The following MAP3K7 variants were observed in gnomAD, a reference collection of about 807,000 sequenced individuals.
MAP3K7 encodes mitogen-activated protein kinase kinase kinase 7.
A neutral mutation model predicts 84.8 loss-of-function variants in MAP3K7; 21 were observed. That is an observed-to-expected ratio of 0.25 (90% CI 0.18 to 0.36). The LOEUF (loss-of-function observed/expected upper bound fraction) is 0.36. MAP3K7 is among the 10% of genes least tolerant of loss of function. The pLI, the probability that MAP3K7 is intolerant of heterozygous loss-of-function variation, is 1.00. For synonymous variants in MAP3K7, 241 were observed against 247.7 expected (o/e 0.97, Z 0.25); for missense variants, 503 against 747.7 (o/e 0.67, Z 3.82).
At chr6:90,565,757 C>G (rs1290318613) in intron 3 of MAP3K7, among the ~76,000 whole-genome samples, 2 of 151,930 alleles carry the variant, frequency 1.3e-5, no homozygotes, top group African/African-American at 4.8e-5. Flanking sequence ...ATAAAAACAA[C>G]AAAAAAAGAG....
chr6:90,561,345 T>C (rs1306827807), intron 4 of MAP3K7, among the ~76,000 whole-genome samples: 1 of 152,184 alleles, frequency 6.6e-6, no homozygotes, highest in African/African-American at 2.4e-5. Context: ...AATCTGAAGA[T>C]ATTTTAAAAT....
At chr6:90,516,789 T>C (rs941694313) in intron 16 of MAP3K7, 108 bp from the exon 17 acceptor site, 1 of 874,714 alleles carries the variant, frequency 1.1e-6, no homozygotes, top group African/African-American at 1.7e-5. Flanking sequence ...TTTATCATTT[T>C]GCATCTTAGG....
At chr6:90,533,558 G>A (rs1311615883) in intron 13 of MAP3K7, among the ~76,000 whole-genome samples, 2 of 152,170 alleles carry the variant, frequency 1.3e-5, no homozygotes, top group Non-Finnish European at 2.9e-5. Flanking sequence ...GCTGTAATTG[G>A]TAAAGAAGCA....
intron 1 of MAP3K7, among the ~76,000 whole-genome samples, chr6:90,576,074 A>G (rs1777065537): frequency 6.6e-6 from 1 of 152,162 alleles, no homozygotes; most frequent in South Asian, 2.1e-4. Flanking sequence ...ATAGGATGCT[A>G]TGACCAAGAG....
intron 3 of MAP3K7, 128 bp from the exon 4 acceptor site, chr6:90,561,795 G>A: frequency 5.7e-6 from 4 of 705,486 alleles, no homozygotes; most frequent in Admixed American, 2.2e-5. Context: ...CCCCTACTAT[G>A]TGAATAGTAC....
At chr6:90,528,908 CA>C (rs888107840) in intron 13 of MAP3K7, among the ~76,000 whole-genome samples, 1 of 152,124 alleles carries the variant, frequency 6.6e-6, no homozygotes, top group African/African-American at 2.4e-5. Context: ...TTTTCTACAC[CA>C]TAACCAATTT....
intron 5 of MAP3K7, among the ~76,000 whole-genome samples, chr6:90,559,226 G>C (rs1776428885): frequency 6.6e-6 from 1 of 152,172 alleles, no homozygotes; most frequent in Non-Finnish European, 1.5e-5. Context: ...TGGAACCTAT[G>C]TAGAGTATAT....
intron 13 of MAP3K7, among the ~76,000 whole-genome samples, chr6:90,534,235 T>C (rs1775594237): frequency 6.6e-6 from 1 of 152,206 alleles, no homozygotes; most frequent in Non-Finnish European, 1.5e-5. Context: ...ATATTGTGAA[T>C]ACTTTTCTTC....
chr6:90,584,696 T>G (rs546703366), intron 1 of MAP3K7, among the ~76,000 whole-genome samples: 11 of 152,292 alleles, frequency 7.2e-5, no homozygotes, highest in African/African-American at 2.6e-4. Context: ...ACTAAGGTTG[T>G]AAGAACCAAA....
intron 4 of MAP3K7, 67 bp downstream of exon 4, chr6:90,561,555 G>C: frequency 6.8e-6 from 8 of 1,179,712 alleles, no homozygotes; most frequent in Non-Finnish European, 9.9e-6. Context: ...AAACAACTTA[G>C]GGTTTATATT....
At chr6:90,520,593 T>C (rs192888960) in intron 14 of MAP3K7, among the ~76,000 whole-genome samples, 56 of 152,154 alleles carry the variant, frequency 3.7e-4, no homozygotes, top group Middle Eastern at 3.4e-3. Flanking sequence ...TTTAAAATAG[T>C]ATAGTATGAA....
At chr6:90,564,447 C>A (rs1776630617) in intron 3 of MAP3K7, among the ~76,000 whole-genome samples, 1 of 151,926 alleles carries the variant, frequency 6.6e-6, no homozygotes, top group South Asian at 2.1e-4. Flanking sequence ...AGACTTTAAA[C>A]CAACAAAGAT....
chr6:90,556,716 T>G, intron 5 of MAP3K7, 92 bp from the exon 6 acceptor site: 4 of 1,276,482 alleles, frequency 3.1e-6, no homozygotes, highest in Non-Finnish European at 3.2e-6. Context: ...ATGGAAAAGG[T>G]TAAGCAAAAT....
chr6:90,583,814 T>G (rs1414343456), intron 1 of MAP3K7, among the ~76,000 whole-genome samples: 1 of 152,178 alleles, frequency 6.6e-6, no homozygotes, highest in East Asian at 1.9e-4. Context: ...CATCCCCTCT[T>G]TTATTCCAAC....
At chr6:90,520,828 T>C (rs1487651054) in intron 14 of MAP3K7, among the ~76,000 whole-genome samples, 1 of 152,068 alleles carries the variant, frequency 6.6e-6, no homozygotes, top group Non-Finnish European at 1.5e-5. Context: ...ACATAAACAC[T>C]GCTTTCCACA....
rs532267183 is a variant in MAP3K7 at position 90,572,114 on chromosome 6, A to G, written c.121-307T>C. ...AAGTAAAGTGATTTGTTAAATGGAG[A>G]AAAAAAAACTAAAACAGACAAGATG... On this transcript the variant is annotated intron_variant, in intron 1 of 16. Transcript: ENST00000369329. Among the ~76,000 whole-genome samples the G allele has an allele frequency of 5.3e-5, 8 of 151,498 alleles. 1 individual carries two copies. The highest frequency in any genetic ancestry group is 4.2e-4 in the South Asian group (2 of 4,796).
At chr6:90,578,577 A>C (rs1332561649) in intron 1 of MAP3K7, among the ~76,000 whole-genome samples, 1 of 152,164 alleles carries the variant, frequency 6.6e-6, no homozygotes, top group Non-Finnish European at 1.5e-5. Context: ...ACCTGGCCAG[A>C]GACAGGAGTT....
intron 13 of MAP3K7, 124 bp downstream of exon 13, chr6:90,536,213 C>T (rs1775671360): frequency 4.6e-6 from 3 of 649,282 alleles, no homozygotes; most frequent in African/African-American, 1.8e-5. Flanking sequence ...AGTTCAGGTG[C>T]AATGAATTTC....
At chr6:90,577,442 T>C (rs752989005) in intron 1 of MAP3K7, among the ~76,000 whole-genome samples, 8 of 152,128 alleles carry the variant, frequency 5.3e-5, no homozygotes, top group Non-Finnish European at 1.2e-4. Context: ...TGGGAGTCAT[T>C]AGCATGTAGT....
Sources: allele counts gnomAD v4.1 joint callset (sites outside exome capture counted in the v4.1 genomes callset), GRCh38; gene constraint gnomAD v4.1.1; transcripts MANE v1.5; gene names NCBI Gene and HGNC (gene_info 2026-07-23, HGNC 2026-07-21).